CD72: variants seen among roughly 807,000 people sequenced by gnomAD.
The protein encoded by CD72 is CD72 molecule, also known as B-cell differentiation antigen CD72.
CD72 carries 28 observed loss-of-function variants against 50.7 expected under a neutral mutation model. The observed-to-expected ratio is 0.55, with a 90% CI of 0.41 to 0.76. The LOEUF (loss-of-function observed/expected upper bound fraction) is 0.76, where lower values mean the gene tolerates loss of function less well. CD72 is among the 30% of genes least tolerant of loss of function. CD72 has a pLI of 0.00. For synonymous variants in CD72, 176 were observed against 171.2 expected (o/e 1.03, Z -0.22); for missense variants, 403 against 420.6 (o/e 0.96, Z 0.37).
At position 35,616,271 on chromosome 9, in the gene CD72, C is replaced by G; in HGVS notation, c.360G>C (p.Gln120His). 6.2e-7 allele frequency: 1 copy of G among 1,612,092 alleles called. No individual in the cohort carries two copies. The highest frequency in any genetic ancestry group is 8.5e-7 in the Non-Finnish European group (1 of 1,178,770). Reference protein sequence around the residue: ...TAICLGVRYLQVSQQLQQTNR... With the variant: ...TAICLGVRYLHVSQQLQQTNR... The stretch of plus-strand genomic sequence containing the variant: ...TCGTCTGCTGGAGCTGCTGAGACAC[C>G]TGCAGATCTGTTTGGCCACAGAGAT... The change falls in exon 5 of 9, where the codon CAG becomes CAC. Residue 120 changes from glutamine (Q) to histidine (H), a missense_variant. Transcript: ENST00000259633.
chr9:35,618,759 C>A (rs1297544713), upstream of CD72: 16 of 1,287,888 alleles, frequency 1.2e-5, no homozygotes, highest in African/African-American at 2.0e-4. Context: ...ATCTCCCCAG[C>A]TCCAGGGTGA....
chr9:35,645,312 G>C (rs926711034), intron 1 of CD72, among the ~76,000 whole-genome samples: 3 of 150,574 alleles, frequency 2.0e-5, no homozygotes, highest in South Asian at 4.2e-4. Context: ...ATTAAGACTC[G>C]GTCTGGGCCA....
chr9:35,639,921 T>C (rs1035519213), intron 1 of CD72, among the ~76,000 whole-genome samples: 10 of 152,070 alleles, frequency 6.6e-5, no homozygotes, highest in African/African-American at 2.2e-4. Context: ...CTGAACACCA[T>C]GAAAAAGGAA....
At chr9:35,616,527 A>C (rs1823066166) in intron 4 of CD72, 73 bp downstream of exon 4, 1 of 1,226,590 alleles carries the variant, frequency 8.2e-7, no homozygotes, top group African/African-American at 1.5e-5. Flanking sequence ...CTGCTGAGGA[A>C]GATCAGCTTT....
intron 1 of CD72, among the ~76,000 whole-genome samples, chr9:35,630,036 C>CTTTTTTTTTTTTTTTT (rs35481553): frequency 7.8e-6 from 1 of 128,972 alleles, no homozygotes; most frequent in Non-Finnish European, 1.6e-5. Flanking sequence ...AATTTCTTTT[C>CTTTTTTTTTTTTTTTT]TTTTTTTTTT....
upstream of CD72, among the ~76,000 whole-genome samples, chr9:35,619,194 G>T (rs999888744): frequency 6.6e-6 from 1 of 152,198 alleles, no homozygotes; most frequent in Non-Finnish European, 1.5e-5. Context: ...GAAAAAGGGG[G>T]CATTTGTGGC....
intron 4 of CD72, 138 bp from the exon 5 acceptor site, chr9:35,616,416 G>T (rs537312979): frequency 7.1e-6 from 6 of 845,630 alleles, no homozygotes; most frequent in East Asian, 2.7e-5. Flanking sequence ...TGACTAAAGC[G>T]TAAGGAGGTA....
At chr9:35,616,802 G>A in intron 3 of CD72, 113 bp from the exon 4 acceptor site, 2 of 1,040,010 alleles carry the variant, frequency 1.9e-6, no homozygotes, top group South Asian at 1.4e-5. Flanking sequence ...AGAGGAGGGC[G>A]GTGCAGAGCT....
chr9:35,628,509 C>T (rs1191207938), intron 1 of CD72, among the ~76,000 whole-genome samples: 2 of 152,350 alleles, frequency 1.3e-5, no homozygotes, highest in East Asian at 3.9e-4. Flanking sequence ...TAACACAAGA[C>T]ATAAGTGGAT....
At chr9:35,641,412 T>G (rs1036771065) in intron 1 of CD72, among the ~76,000 whole-genome samples, 2 of 152,218 alleles carry the variant, frequency 1.3e-5, no homozygotes, top group African/African-American at 4.8e-5. Flanking sequence ...TGGCACACTT[T>G]ACAGGCCCTG....
At position 35,618,378 on chromosome 9, in the gene CD72, G is replaced by T; in HGVS notation, c.-75C>A. On this transcript the variant is annotated 5_prime_UTR_variant, in exon 1 of 9. Transcript: ENST00000259633. ...TCCCTTGCCCCTCTCGTCTCTGTCC[G>T]TTTACAACTAGGCTCTGTGTTCCCT... 1 of 1,598,248 alleles carries T rather than the reference G, an allele frequency of 6.3e-7. No homozygotes were observed. The highest frequency in any genetic ancestry group is 8.5e-7 in the Non-Finnish European group (1 of 1,172,160).
At chr9:35,624,088 T>C (rs1004516381), upstream of CD72, among the ~76,000 whole-genome samples, 13 of 146,050 alleles carry the variant, frequency 8.9e-5, no homozygotes, top group Non-Finnish European at 1.4e-4. Flanking sequence ...GGCACATGCC[T>C]GTAATCCCAG....
At chr9:35,634,091 T>G (rs1823269537) in intron 1 of CD72, among the ~76,000 whole-genome samples, 1 of 152,362 alleles carries the variant, frequency 6.6e-6, no homozygotes, top group Middle Eastern at 3.4e-3. Flanking sequence ...TATTTGATTT[T>G]CTTATTTCCA....
At chr9:35,638,740 G>A (rs1442868611) in intron 1 of CD72, among the ~76,000 whole-genome samples, 5 of 151,114 alleles carry the variant, frequency 3.3e-5, no homozygotes, top group Admixed American at 2.0e-4. Context: ...GACAACCGCT[G>A]GCTTCATGAG....
intron 1 of CD72, among the ~76,000 whole-genome samples, chr9:35,637,977 C>T (rs1460990654): frequency 2.6e-5 from 4 of 152,182 alleles, no homozygotes. Context: ...TCAACTCACA[C>T]CTGACCTAAA....
intron 1 of CD72, among the ~76,000 whole-genome samples, chr9:35,639,937 A>G (rs1890594): frequency 0.12 from 18,931 of 152,240 alleles, 1,584 homozygotes; most frequent in East Asian, 0.4. Flanking sequence ...AGGAAAAAAT[A>G]CATAGAAATT....
intron 1 of CD72, among the ~76,000 whole-genome samples, chr9:35,633,507 C>CT (rs1020058868): frequency 1.3e-5 from 2 of 151,852 alleles, no homozygotes; most frequent in African/African-American, 4.8e-5. Flanking sequence ...TATTTTCATT[C>CT]TTTTTTTAAA....
At chr9:35,616,423 G>C (rs1823065252) in intron 4 of CD72, 145 bp from the exon 5 acceptor site, 1 of 834,264 alleles carries the variant, frequency 1.2e-6, no homozygotes, top group Non-Finnish European at 1.9e-6. Context: ...AGCGTAAGGA[G>C]GTACTGGATT....
rs569665502 is a variant in CD72 at position 35,641,279 on chromosome 9, G to C, written n.408+5124C>G. On this transcript the variant is annotated intron_variant and non_coding_transcript_variant, in intron 1 of 3. Coordinates refer to the CD72 transcript ENST00000465754. ...GGATCTTAGTCATGGACTGCATCTG[G>C]GGCTCCATTTGAAGAACCATTTGTA... Among the ~76,000 whole-genome samples, 134 of 152,280 alleles carry C rather than the reference G, an allele frequency of 8.8e-4. 2 individuals carry two copies. The highest frequency in any genetic ancestry group is 1.2e-3 in the South Asian group (6 of 4,820).
Sources: gnomAD v4.1 joint callset for allele counts (sites outside exome capture counted in the v4.1 genomes callset) on GRCh38, gnomAD v4.1.1 for gene constraint, MANE v1.5 for transcripts, NCBI Gene and HGNC (gene_info 2026-07-23, HGNC 2026-07-21) for gene names.